Variants in IGF2BP3 observed in about 807,000 individuals in gnomAD.
IGF2BP3 encodes insulin like growth factor 2 mRNA binding protein 3, also known as insulin-like growth factor 2 mRNA-binding protein 3.
IGF2BP3 carries 9 observed loss-of-function variants against 73.8 expected under a neutral mutation model. The ratio of observed to expected loss-of-function variants is 0.12; its 90% CI spans 0.07 to 0.21. IGF2BP3 has a LOEUF of 0.21. Ranked by LOEUF, IGF2BP3 falls within the 10% of genes least tolerant of loss-of-function variation. The pLI, the probability that IGF2BP3 is intolerant of heterozygous loss-of-function variation, is 1.00. For missense variants in IGF2BP3, 542 were observed against 714.0 expected (o/e 0.76, Z 2.75); for synonymous variants, 258 against 256.7 (o/e 1.01, Z -0.05).
At chr7:23,352,882 T>G (rs1785001792) in intron 5 of IGF2BP3, among the ~76,000 whole-genome samples, 1 of 152,232 alleles carries the variant, frequency 6.6e-6, no homozygotes, top group Non-Finnish European at 1.5e-5. Context: ...TATTGTAATA[T>G]TCATCCAAAT....
chr7:23,336,440 A>G (rs939151745), intron 10 of IGF2BP3, among the ~76,000 whole-genome samples: 1 of 151,910 alleles, frequency 6.6e-6, no homozygotes, highest in Non-Finnish European at 1.5e-5. Flanking sequence ...TAACTTTCTA[A>G]ACCATTTTTT....
chr7:23,347,756 G>A, intron 6 of IGF2BP3, 22 bp from the exon 7 acceptor site: 1 of 1,613,796 alleles, frequency 6.2e-7, no homozygotes, highest in Non-Finnish European at 8.5e-7. Flanking sequence ...CGCAAGCAGA[G>A]AGGAAAACGA....
At chr7:23,404,006 G>C (rs903235885) in intron 3 of IGF2BP3, among the ~76,000 whole-genome samples, 2 of 151,698 alleles carry the variant, frequency 1.3e-5, no homozygotes, top group African/African-American at 4.8e-5. Context: ...GGGCACAGCG[G>C]TATGTGCCTG....
At chr7:23,459,382 T>G (rs948262971) in intron 2 of IGF2BP3, among the ~76,000 whole-genome samples, 1 of 152,148 alleles carries the variant, frequency 6.6e-6, no homozygotes, top group African/African-American at 2.4e-5. Flanking sequence ...TAGCAAAAGT[T>G]TAATGAACAA....
intron 6 of IGF2BP3, among the ~76,000 whole-genome samples, chr7:23,348,603 T>C (rs1784888460): frequency 6.6e-6 from 1 of 152,198 alleles, no homozygotes; most frequent in Non-Finnish European, 1.5e-5. Context: ...ACTGACTTTT[T>C]GGGCCAGATT....
At chr7:23,433,221 A>C (rs1343597789) in intron 2 of IGF2BP3, among the ~76,000 whole-genome samples, 6 of 152,190 alleles carry the variant, frequency 3.9e-5, no homozygotes, top group Admixed American at 3.9e-4. Context: ...CTAGTTTTAT[A>C]AATATCATTA....
At chr7:23,434,158 C>G (rs916661464) in intron 2 of IGF2BP3, among the ~76,000 whole-genome samples, 2 of 150,934 alleles carry the variant, frequency 1.3e-5, no homozygotes, top group Non-Finnish European at 3.0e-5. Context: ...GTAACCATCA[C>G]TAAAACTGTA....
intron 2 of IGF2BP3, among the ~76,000 whole-genome samples, chr7:23,433,695 T>C (rs1787743117): frequency 6.6e-6 from 1 of 152,082 alleles, no homozygotes; most frequent in Non-Finnish European, 1.5e-5. Flanking sequence ...ATATATTTAG[T>C]TCATGTATTT....
intron 3 of IGF2BP3, chr7:23,414,079 G>A (rs970589362): frequency 6.6e-6 from 1 of 152,106 alleles, no homozygotes; most frequent in Non-Finnish European, 1.5e-5. Flanking sequence ...GAACCCAGGA[G>A]GCAGAGGCTG....
chr7:23,436,873 T>G lies in IGF2BP3; in HGVS notation c.237-18049A>C, dbSNP rs560016915. Among the ~76,000 whole-genome samples the G allele has an allele frequency of 9.8e-4, 150 of 152,310 alleles. 2 individuals are homozygous for G. In the Middle Eastern group the frequency reaches 0.014, roughly 14 times the overall value. ...GCTCACACCTGTAATCCTAGCACTT[T>G]GGGAGGCCAAGGCGGGTGGATTACC... On this transcript the variant is annotated intron_variant, in intron 2 of 14. Transcript: ENST00000258729.
chr7:23,364,214 A>T (rs769487690), intron 3 of IGF2BP3, among the ~76,000 whole-genome samples: 1 of 152,010 alleles, frequency 6.6e-6, no homozygotes, highest in Non-Finnish European at 1.5e-5. Context: ...TCTCTACTAA[A>T]AATAGAAAAA....
At chr7:23,329,099 G>C (rs1784378616) in intron 10 of IGF2BP3, among the ~76,000 whole-genome samples, 1 of 151,944 alleles carries the variant, frequency 6.6e-6, no homozygotes, top group Admixed American at 6.6e-5. Context: ...TGTAGTCCCA[G>C]CTACTCGGGA....
intron 14 of IGF2BP3, 94 bp from the exon 15 acceptor site, chr7:23,312,554 T>G: frequency 9.7e-7 from 1 of 1,026,492 alleles, no homozygotes; most frequent in African/African-American, 1.6e-5. Flanking sequence ...TAGAAATCCA[T>G]TTGATGATTA....
intron 3 of IGF2BP3, among the ~76,000 whole-genome samples, chr7:23,398,486 A>G (rs1390767372): frequency 1.3e-5 from 2 of 152,222 alleles, no homozygotes; most frequent in Non-Finnish European, 2.9e-5. Flanking sequence ...AGGAATCGCC[A>G]CACTGACATC....
At chr7:23,378,569 G>GGT (rs1330540799) in intron 3 of IGF2BP3, among the ~76,000 whole-genome samples, 2 of 65,886 alleles carry the variant, frequency 3.0e-5, no homozygotes, top group African/African-American at 7.2e-5. Context: ...ATTTTTGCTT[G>GGT]TTTTTTTTTT....
At chr7:23,439,716 AG>A (rs1436699906) in intron 2 of IGF2BP3, among the ~76,000 whole-genome samples, 1 of 152,226 alleles carries the variant, frequency 6.6e-6, no homozygotes, top group East Asian at 1.9e-4. Flanking sequence ...AGTCTCTCAA[AG>A]GAAGAAAAAC....
chr7:23,434,112 A>G (rs1262012279), intron 2 of IGF2BP3, among the ~76,000 whole-genome samples: 1 of 151,938 alleles, frequency 6.6e-6, no homozygotes, highest in Non-Finnish European at 1.5e-5. Flanking sequence ...AAAAAAAGAA[A>G]AAGTTTTATA....
At chr7:23,412,842 C>CTTTTTTTTTTTTTTTTTTTTTTT (rs557467066) in intron 3 of IGF2BP3, among the ~76,000 whole-genome samples, 1 of 36,978 alleles carries the variant, frequency 2.7e-5, no homozygotes, top group Non-Finnish European at 4.8e-5. Context: ...AGACTCTGGC[C>CTTTTTTTTTTTTTTTTTTTTTTT]TTTTTTTTTT....
intron 8 of IGF2BP3, among the ~76,000 whole-genome samples, chr7:23,344,468 G>A (rs927306028): frequency 2.0e-5 from 3 of 152,138 alleles, no homozygotes; most frequent in African/African-American, 7.2e-5. Context: ...ATGGTTCACC[G>A]ATGCCATTTA....
Sources: allele counts gnomAD v4.1 joint callset (sites outside exome capture counted in the v4.1 genomes callset), GRCh38; gene constraint gnomAD v4.1.1; transcripts MANE v1.5; gene names NCBI Gene and HGNC (gene_info 2026-07-23, HGNC 2026-07-21).